NCKAP5: variants seen among roughly 807,000 people sequenced by gnomAD.
NCKAP5 encodes nck-associated protein 5.
Under a neutral mutation model 167.0 loss-of-function variants are expected in NCKAP5, and 92 were observed. That is an observed-to-expected ratio of 0.55 (90% confidence interval 0.47 to 0.66). The LOEUF (loss-of-function observed/expected upper bound fraction) is 0.66. Ranked by LOEUF, NCKAP5 falls within the 30% of genes least tolerant of loss-of-function variation. NCKAP5 has a pLI of 0.00. For missense variants in NCKAP5, 2,378 were observed against 2,315.0 expected (o/e 1.03, Z -0.56); for synonymous variants, 891 against 877.4 (o/e 1.02, Z -0.27).
At chr2:132,698,480 C>T (rs1219411087) in intron 19 of NCKAP5, among the ~76,000 whole-genome samples, 2 of 152,100 alleles carry the variant, frequency 1.3e-5, no homozygotes, top group Non-Finnish European at 2.9e-5. Flanking sequence ...TAAGGGGTAA[C>T]TGTAAAGCCA....
At chr2:133,425,536 G>A (rs2151105259) in intron 3 of NCKAP5, among the ~76,000 whole-genome samples, 1 of 152,236 alleles carries the variant, frequency 6.6e-6, no homozygotes, top group South Asian at 2.1e-4. Context: ...GGGAAAAAGA[G>A]GGCAGAGCAA....
At chr2:133,504,644 T>C (rs898383452) in intron 3 of NCKAP5, among the ~76,000 whole-genome samples, 2 of 152,156 alleles carry the variant, frequency 1.3e-5, no homozygotes, top group Non-Finnish European at 2.9e-5. Flanking sequence ...CAAACTTTCA[T>C]AAGCTAGAAT....
chr2:133,304,628 G>T (rs1381987497), intron 3 of NCKAP5, among the ~76,000 whole-genome samples: 1 of 152,184 alleles, frequency 6.6e-6, no homozygotes, highest in African/African-American at 2.4e-5. Context: ...TCTCAAATAT[G>T]TTCAGCCAAG....
chr2:133,120,624 T>C (rs982872515), intron 6 of NCKAP5, among the ~76,000 whole-genome samples: 5 of 152,140 alleles, frequency 3.3e-5, no homozygotes, highest in African/African-American at 1.2e-4. Flanking sequence ...CCAAATTCCA[T>C]TTAGTGCCCT....
chr2:132,997,126 A>G (rs757812421), intron 6 of NCKAP5, among the ~76,000 whole-genome samples: 7 of 152,224 alleles, frequency 4.6e-5, no homozygotes, highest in Non-Finnish European at 7.3e-5. Flanking sequence ...AGCCCATTGC[A>G]GTAGGCAGGA....
chr2:132,886,052 T>G (rs1692192800), intron 8 of NCKAP5, among the ~76,000 whole-genome samples: 1 of 152,236 alleles, frequency 6.6e-6, no homozygotes, highest in African/African-American at 2.4e-5. Context: ...CCTTTGGTTT[T>G]GCTGCTCTAG....
chr2:133,015,017 G>A (rs1041942017), intron 6 of NCKAP5, among the ~76,000 whole-genome samples: 2 of 152,096 alleles, frequency 1.3e-5, no homozygotes, highest in Non-Finnish European at 2.9e-5. Context: ...TGTTTTCACA[G>A]CAGGGCTCAC....
chr2:133,344,976 G>A (rs527420101), intron 3 of NCKAP5, among the ~76,000 whole-genome samples: 5 of 152,168 alleles, frequency 3.3e-5, no homozygotes, highest in South Asian at 2.1e-4. Context: ...TCCAAATATC[G>A]ATTTCAGTGA....
chr2:133,148,492 G>C (rs1316147217), intron 5 of NCKAP5, among the ~76,000 whole-genome samples: 1 of 152,112 alleles, frequency 6.6e-6, no homozygotes, highest in African/African-American at 2.4e-5. Flanking sequence ...GCATCAGAGT[G>C]ACCATCTTAC....
At chr2:132,920,769 ATG>A (rs1349323577) in intron 8 of NCKAP5, among the ~76,000 whole-genome samples, 4 of 31,932 alleles carry the variant, frequency 1.3e-4, no homozygotes, top group Admixed American at 7.3e-4. Context: ...ATATATATGT[ATG>A]TATATATATA....
the NCKAP5 span, among the ~76,000 whole-genome samples, chr2:133,591,874 C>T: frequency 1.3e-5 from 2 of 152,006 alleles, no homozygotes; most frequent in African/African-American, 4.8e-5. Flanking sequence ...TGAACTTTTC[C>T]CCTAAACTGT....
chr2:133,232,331 C>A, intron 4 of NCKAP5, among the ~76,000 whole-genome samples: 2 of 151,994 alleles, frequency 1.3e-5, no homozygotes, highest in African/African-American at 2.4e-5. Flanking sequence ...TGTTTTAAGT[C>A]ACAACAAAGA....
At chr2:132,752,764 TC>T (rs1680222912) in intron 16 of NCKAP5, among the ~76,000 whole-genome samples, 1 of 152,106 alleles carries the variant, frequency 6.6e-6, no homozygotes, top group Non-Finnish European at 1.5e-5. Context: ...AGCGGACAAT[TC>T]CCAAGATCTT....
chr2:133,514,977 G>T (rs1047911981), intron 3 of NCKAP5, among the ~76,000 whole-genome samples: 5 of 152,012 alleles, frequency 3.3e-5, no homozygotes, highest in Non-Finnish European at 5.9e-5. Context: ...GTACTGTAAT[G>T]CCAGGTTTGT....
intron 5 of NCKAP5, among the ~76,000 whole-genome samples, chr2:133,198,832 T>C (rs926862340): frequency 4.6e-5 from 7 of 152,052 alleles, no homozygotes; most frequent in Non-Finnish European, 7.4e-5. Context: ...AGCAAAAATA[T>C]CTTGGAAACG....
the NCKAP5 span, among the ~76,000 whole-genome samples, chr2:133,627,220 AT>A: frequency 1.3e-5 from 2 of 152,164 alleles, no homozygotes; most frequent in Admixed American, 6.5e-5. Context: ...AAGAAAAAAA[AT>A]AACCTCAAGG....
chr2:132,751,902 C>T (rs528193772), intron 16 of NCKAP5, among the ~76,000 whole-genome samples: 1 of 152,226 alleles, frequency 6.6e-6, no homozygotes, highest in Non-Finnish European at 1.5e-5. Context: ...AGCCTGCCCA[C>T]TGTGGAATCT....
At chr2:133,037,231 C>CATCT (rs2079068049) in intron 6 of NCKAP5, among the ~76,000 whole-genome samples, 1 of 151,972 alleles carries the variant, frequency 6.6e-6, no homozygotes, top group Non-Finnish European at 1.5e-5. Context: ...TATCCAAAGG[C>CATCT]ATCTACAGAT....
chr2:133,137,404 TTTTG>T (rs765016345), intron 5 of NCKAP5, among the ~76,000 whole-genome samples: 1,706 of 116,278 alleles, frequency 0.015, 15 homozygotes, highest in Non-Finnish European at 0.023. Context: ...CAGAGCTTGG[TTTTG>T]TGTGTGTGTG....
Sources: allele counts gnomAD v4.1 joint callset (sites outside exome capture counted in the v4.1 genomes callset), GRCh38; gene constraint gnomAD v4.1.1; transcripts MANE v1.5; gene names NCBI Gene and HGNC (gene_info 2026-07-23, HGNC 2026-07-21).